SNTG1: variants seen among roughly 807,000 people sequenced by gnomAD.
SNTG1 encodes the protein gamma-1-syntrophin.
In SNTG1, 39 loss-of-function variants were observed where a neutral mutation model predicts 74.7. The ratio of observed to expected loss-of-function variants is 0.52; its 90% confidence interval spans 0.40 to 0.68. SNTG1 has a LOEUF of 0.68. SNTG1 is among the 30% of genes least tolerant of loss of function. SNTG1 has a pLI of 0.00. For missense variants in SNTG1, 685 were observed against 609.5 expected (o/e 1.12, Z -1.30); for synonymous variants, 254 against 217.1 (o/e 1.17, Z -1.49).
intron 17 of SNTG1, among the ~76,000 whole-genome samples, chr8:50,718,601 G>A (rs78634426): frequency 0.028 from 4,217 of 152,196 alleles, 204 homozygotes; most frequent in African/African-American, 0.097. Context: ...AAAGGGAGAA[G>A]AGAGAAAGCC....
intron 1 of SNTG1, among the ~76,000 whole-genome samples, chr8:50,086,091 C>A (rs1437364644): frequency 2.0e-5 from 3 of 152,056 alleles, no homozygotes; most frequent in Non-Finnish European, 4.4e-5. Flanking sequence ...TACAAGCTTT[C>A]ATGATTTTCT....
At chr8:49,946,142 G>A (rs905946580) in intron 1 of SNTG1, among the ~76,000 whole-genome samples, 1 of 152,068 alleles carries the variant, frequency 6.6e-6, no homozygotes, top group Admixed American at 6.5e-5. Context: ...ATTTATAAAT[G>A]TAGGAAGTAC....
chr8:50,757,700 A>G (rs1463435626), intron 18 of SNTG1, among the ~76,000 whole-genome samples: 1 of 151,974 alleles, frequency 6.6e-6, no homozygotes, highest in African/African-American at 2.4e-5. Context: ...AGTTGGATGA[A>G]TATCCACAAT....
chr8:50,130,277 A>T lies in SNTG1; in HGVS notation c.-102-42284A>T, dbSNP rs1389291619. ...AGAAAGCAAAATGGGAGGTTCTCAC[A>T]CAAAGCTAATTGGAGTTTCAGAAAG... On this transcript the variant is annotated intron_variant, in intron 1 of 18. Coordinates refer to ENST00000642720, the MANE Select transcript of SNTG1 (RefSeq NM_018967.5). 3.3e-5 allele frequency among the ~76,000 whole-genome samples: 5 copies of T among 152,196 alleles called. No homozygotes were observed. The East Asian group carries it at 7.7e-4, about 23-fold the overall frequency.
rs370102136 is a variant in SNTG1 at position 50,779,604 on chromosome 8, C to G, written c.1396-13067C>G. The stretch of plus-strand genomic sequence containing the variant: ...CTTATCAGCTTAAGGAGATTTTGGG[C>G]TGAGACAATGGGGTTTTCTAGATAT... On this transcript the variant is annotated intron_variant, in intron 18 of 18. Transcript: ENST00000642720. Among the ~76,000 whole-genome samples, 8 of 150,608 alleles carry G rather than the reference C, an allele frequency of 5.3e-5. No homozygotes were observed. In the East Asian group the frequency reaches 1.5e-3, roughly 29 times the overall value.
intron 1 of SNTG1, among the ~76,000 whole-genome samples, chr8:49,962,104 C>A (rs1219917814): frequency 6.6e-6 from 1 of 152,018 alleles, no homozygotes; most frequent in Non-Finnish European, 1.5e-5. Flanking sequence ...AAATGCAAAG[C>A]CCTGTGGAAG....
At chr8:50,046,358 C>T (rs1819083635) in intron 1 of SNTG1, among the ~76,000 whole-genome samples, 1 of 152,076 alleles carries the variant, frequency 6.6e-6, no homozygotes, top group South Asian at 2.1e-4. Context: ...CATTCTCATC[C>T]CCACACTCCC....
chr8:50,060,230 A>T, intron 1 of SNTG1, among the ~76,000 whole-genome samples: 1 of 152,202 alleles, frequency 6.6e-6, no homozygotes, highest in Non-Finnish European at 1.5e-5. Context: ...AGTAGTAATT[A>T]ACTATTCTTT....
intron 2 of SNTG1, among the ~76,000 whole-genome samples, chr8:50,212,641 C>T (rs1457668950): frequency 6.6e-6 from 1 of 152,094 alleles, no homozygotes; most frequent in African/African-American, 2.4e-5. Flanking sequence ...TTACAACGGG[C>T]CACAGTGGTA....
At chr8:50,570,345 G>A (rs550646164) in intron 12 of SNTG1, among the ~76,000 whole-genome samples, 2 of 145,278 alleles carry the variant, frequency 1.4e-5, no homozygotes, top group Non-Finnish European at 3.0e-5. Flanking sequence ...TGCAACCTCC[G>A]CCTCCAGGGT....
chr8:50,500,248 A>G (rs1228974774), intron 8 of SNTG1, among the ~76,000 whole-genome samples: 1 of 137,700 alleles, frequency 7.3e-6, no homozygotes, highest in South Asian at 2.3e-4. Flanking sequence ...TTTTTGGTCT[A>G]TATACTCTAT....
chr8:50,422,800 G>A (rs1461201723), intron 4 of SNTG1, among the ~76,000 whole-genome samples: 1 of 152,152 alleles, frequency 6.6e-6, no homozygotes, highest in African/African-American at 2.4e-5. Flanking sequence ...ATGGCTAGCA[G>A]TTGTGTATGT....
At chr8:50,507,004 T>C (rs909786761) in intron 9 of SNTG1, among the ~76,000 whole-genome samples, 3 of 152,120 alleles carry the variant, frequency 2.0e-5, no homozygotes, top group Non-Finnish European at 2.9e-5. Flanking sequence ...TCCTAGTTTG[T>C]AAAATGTATT....
chr8:50,023,609 G>A (rs553075672), intron 1 of SNTG1, among the ~76,000 whole-genome samples: 1 of 152,044 alleles, frequency 6.6e-6, no homozygotes, highest in South Asian at 2.1e-4. Context: ...AATTTTAGTA[G>A]GCTGCTAAGG....
chr8:50,305,471 G>A (rs961012097), intron 2 of SNTG1, among the ~76,000 whole-genome samples: 10 of 149,868 alleles, frequency 6.7e-5, no homozygotes, highest in African/African-American at 2.5e-5. Flanking sequence ...TTTAAGTTTT[G>A]TTTACATTTT....
intron 2 of SNTG1, among the ~76,000 whole-genome samples, chr8:50,303,561 A>T (rs1046155603): frequency 6.6e-6 from 1 of 152,082 alleles, no homozygotes; most frequent in African/African-American, 2.4e-5. Context: ...ATAATTTCAT[A>T]GAACATATTA....
intron 2 of SNTG1, among the ~76,000 whole-genome samples, chr8:50,246,985 C>T (rs147549803): frequency 1.3e-5 from 2 of 152,298 alleles, no homozygotes; most frequent in Non-Finnish European, 2.9e-5. Context: ...GAAAGTTCGG[C>T]TCTTGTCTGT....
intron 4 of SNTG1, among the ~76,000 whole-genome samples, chr8:50,435,394 C>T (rs945889334): frequency 6.6e-6 from 1 of 152,152 alleles, no homozygotes; most frequent in Non-Finnish European, 1.5e-5. Context: ...GATGTGTTAA[C>T]TAAATATACT....
At chr8:50,196,197 T>A (rs1242854977) in intron 2 of SNTG1, among the ~76,000 whole-genome samples, 1 of 152,154 alleles carries the variant, frequency 6.6e-6, no homozygotes, top group Non-Finnish European at 1.5e-5. Flanking sequence ...CCATTAGAGT[T>A]TTTGACCTAG....
Sources: gnomAD v4.1 joint callset for allele counts (sites outside exome capture counted in the v4.1 genomes callset) on GRCh38, gnomAD v4.1.1 for gene constraint, MANE v1.5 for transcripts, NCBI Gene and HGNC (gene_info 2026-07-23, HGNC 2026-07-21) for gene names.